Variants in KCNQ5 observed in about 807,000 individuals in gnomAD.
KCNQ5 encodes potassium voltage-gated channel subfamily Q member 5.
In KCNQ5, 30 loss-of-function variants were observed where a neutral mutation model predicts 98.2. The ratio of observed to expected loss-of-function variants is 0.31; its 90% CI spans 0.23 to 0.41. KCNQ5 has a LOEUF of 0.41. KCNQ5 is among the 10% of genes least tolerant of loss of function. KCNQ5 has a pLI of 1.00. For synonymous variants in KCNQ5, 458 were observed against 449.4 expected (o/e 1.02, Z -0.24); for missense variants, 835 against 1,182.5 (o/e 0.71, Z 4.31).
chr6:73,187,892 A>G (rs1325931557), intron 11 of KCNQ5, among the ~76,000 whole-genome samples: 1 of 152,242 alleles, frequency 6.6e-6, no homozygotes, highest in Non-Finnish European at 1.5e-5. Flanking sequence ...AGCAACAAGC[A>G]ACTTTTGATG....
chr6:72,859,729 G>T (rs556214216), intron 1 of KCNQ5, among the ~76,000 whole-genome samples: 7 of 151,998 alleles, frequency 4.6e-5, no homozygotes, highest in African/African-American at 1.7e-4. Flanking sequence ...CTACAGGCAT[G>T]CACCACCACT....
chr6:72,757,701 C>A (rs779951677), intron 1 of KCNQ5, among the ~76,000 whole-genome samples: 57 of 152,024 alleles, frequency 3.7e-4, no homozygotes, highest in Non-Finnish European at 2.2e-4. Context: ...TAGCGTAACC[C>A]TGGTTAAGTC....
intron 1 of KCNQ5, among the ~76,000 whole-genome samples, chr6:72,960,462 C>T (rs912425430): frequency 5.3e-5 from 8 of 152,130 alleles, no homozygotes; most frequent in African/African-American, 7.2e-5. Flanking sequence ...TGGAGTCTCA[C>T]GCTGTCACCC....
At chr6:72,818,443 T>A (rs1775599078) in intron 1 of KCNQ5, among the ~76,000 whole-genome samples, 1 of 152,102 alleles carries the variant, frequency 6.6e-6, no homozygotes, top group Non-Finnish European at 1.5e-5. Flanking sequence ...AAGGGTATTT[T>A]TCTGAGTACT....
chr6:73,016,834 A>G (rs903365937), intron 2 of KCNQ5, among the ~76,000 whole-genome samples: 9 of 152,202 alleles, frequency 5.9e-5, no homozygotes, highest in African/African-American at 1.7e-4. Context: ...CCCTTCAGTT[A>G]CTACATAGCT....
chr6:73,135,551 C>G (rs1055660933), intron 10 of KCNQ5: 8 of 152,126 alleles, frequency 5.3e-5, no homozygotes, highest in African/African-American at 1.9e-4. Context: ...GGGCCCTTGC[C>G]CTGACTGTTA....
intron 2 of KCNQ5, among the ~76,000 whole-genome samples, chr6:73,005,829 C>T (rs1298234238): frequency 6.6e-6 from 1 of 152,222 alleles, no homozygotes; most frequent in Non-Finnish European, 1.5e-5. Context: ...TGCAACAAGG[C>T]TTTCCATAGG....
chr6:72,902,818 C>T (rs1356782332), intron 1 of KCNQ5, among the ~76,000 whole-genome samples: 1 of 151,930 alleles, frequency 6.6e-6, no homozygotes, highest in Non-Finnish European at 1.5e-5. Flanking sequence ...TGGTTATGTC[C>T]TTTCCTGATT....
chr6:72,877,387 C>T (rs1340531990), intron 1 of KCNQ5, among the ~76,000 whole-genome samples: 2 of 152,114 alleles, frequency 1.3e-5, no homozygotes, highest in Non-Finnish European at 2.9e-5. Flanking sequence ...CTGCAAAGGA[C>T]AAGATCTCAC....
At chr6:73,146,987 A>G (rs1179111469) in intron 10 of KCNQ5, among the ~76,000 whole-genome samples, 1 of 152,226 alleles carries the variant, frequency 6.6e-6, no homozygotes, top group Non-Finnish European at 1.5e-5. Context: ...TAATAGTGCT[A>G]TGACTATAGT....
chr6:72,830,182 C>T (rs1170967012), intron 1 of KCNQ5, among the ~76,000 whole-genome samples: 1 of 152,076 alleles, frequency 6.6e-6, no homozygotes, highest in Non-Finnish European at 1.5e-5. Flanking sequence ...AGATTCAATG[C>T]CATCCCCATC....
At chr6:73,031,774 G>A (rs1771159555) in intron 2 of KCNQ5, among the ~76,000 whole-genome samples, 1 of 152,146 alleles carries the variant, frequency 6.6e-6, no homozygotes, top group Non-Finnish European at 1.5e-5. Flanking sequence ...ATGAAAAGCA[G>A]AACATCTAGA....
chr6:73,130,606 C>A (rs887824218), intron 9 of KCNQ5, among the ~76,000 whole-genome samples: 2 of 152,032 alleles, frequency 1.3e-5, no homozygotes. Context: ...AAAAAAAAGG[C>A]AGGAAAATAA....
At chr6:72,824,921 T>C (rs1414516400) in intron 1 of KCNQ5, among the ~76,000 whole-genome samples, 1 of 152,128 alleles carries the variant, frequency 6.6e-6, no homozygotes, top group African/African-American at 2.4e-5. Flanking sequence ...GTAGCTTTCA[T>C]TGTTTTCAAA....
chr6:73,142,898 A>G (rs916247519), intron 10 of KCNQ5, among the ~76,000 whole-genome samples: 9 of 152,178 alleles, frequency 5.9e-5, no homozygotes, highest in African/African-American at 2.2e-4. Context: ...CCTGGGCGAC[A>G]AGAGCAAGAC....
chr6:72,812,410 C>A (rs959131671), intron 1 of KCNQ5, among the ~76,000 whole-genome samples: 3 of 152,162 alleles, frequency 2.0e-5, no homozygotes, highest in African/African-American at 7.2e-5. Context: ...GTGCTCCAAT[C>A]ATGTTTATTG....
chr6:72,752,716 A>T (rs1021915900), intron 1 of KCNQ5, among the ~76,000 whole-genome samples: 1 of 152,180 alleles, frequency 6.6e-6, no homozygotes, highest in African/African-American at 2.4e-5. Flanking sequence ...CAGCCAATCC[A>T]TGTAAAATAG....
intron 1 of KCNQ5, among the ~76,000 whole-genome samples, chr6:72,882,011 G>A (rs966334386): frequency 1.3e-5 from 2 of 152,120 alleles, no homozygotes. Flanking sequence ...TACCTTTTGA[G>A]ACTGTTTTCA....
chr6:72,729,477 A>T (rs1207485707), intron 1 of KCNQ5, among the ~76,000 whole-genome samples: 1 of 152,112 alleles, frequency 6.6e-6, no homozygotes, highest in Non-Finnish European at 1.5e-5. Context: ...TAGTAGAAAC[A>T]GGGTTTCGCC....
Sources: gnomAD v4.1 joint callset for allele counts (sites outside exome capture counted in the v4.1 genomes callset) on GRCh38, gnomAD v4.1.1 for gene constraint, MANE v1.5 for transcripts, NCBI Gene and HGNC (gene_info 2026-07-23, HGNC 2026-07-21) for gene names.